The following ZSCAN5A variants were observed in gnomAD, a reference collection of about 807,000 sequenced individuals.
ZSCAN5A encodes zinc finger and SCAN domain-containing protein 5A.
In ZSCAN5A, 12 loss-of-function variants were observed where a neutral mutation model predicts 23.7. The ratio of observed to expected loss-of-function variants is 0.51; its 90% CI spans 0.32 to 0.82. ZSCAN5A has a LOEUF of 0.82. Ranked by LOEUF, ZSCAN5A falls within the 40% of genes least tolerant of loss-of-function variation. ZSCAN5A has a pLI of 0.03. For synonymous variants in ZSCAN5A, 257 were observed against 239.9 expected, an observed-to-expected ratio of 1.07 and a Z score of -0.66; for missense variants, 597 against 617.9, an observed-to-expected ratio of 0.97 and a Z score of 0.36.
exon 2 of ZSCAN5A, chr19:56,363,235 C>T (rs553515224): frequency 6.6e-6 from 1 of 152,218 alleles, no homozygotes; most frequent in Non-Finnish European, 1.5e-5. Context: ...AAACACTCAC[C>T]TCTATTACTC....
At chr19:56,244,186 G>T in intron 2 of ZSCAN5A, 1 of 1,612,144 alleles carries the variant, frequency 6.2e-7, no homozygotes. Flanking sequence ...TGAACTTCAG[G>T]ATGTTCAGCT....
At chr19:56,270,247 GTCTC>G (rs1156803084) in intron 2 of ZSCAN5A, among the ~76,000 whole-genome samples, 1 of 146,374 alleles carries the variant, frequency 6.8e-6, no homozygotes. Flanking sequence ...GTGAAACCCT[GTCTC>G]TACTAAAAAT....
In ZSCAN5A at chr19:56,222,169, T is replaced by C; in HGVS notation, c.897A>G (p.Arg299=). Residue 299 remains arginine (R), a synonymous_variant, in exon 6 of 6, where the codon AGA becomes AGG. Coordinates refer to ENST00000683990, the MANE Select transcript of ZSCAN5A (RefSeq NM_001322064.3). ...GDALNLSSPK[R]SKPDASSISQ... Reference sequence around the variant, plus strand: ...AAATGGAGGAGGCATCTGGTTTGCTTCTTTTGGGACTGCTCAGATTCAGAG... The same window carrying C: ...AAATGGAGGAGGCATCTGGTTTGCTCCTTTTGGGACTGCTCAGATTCAGAG... 1 of 1,614,032 alleles carries C rather than the reference T, an allele frequency of 6.2e-7. No homozygotes were observed. Among genetic ancestry groups the C allele is most frequent in the Non-Finnish European group, 8.5e-7 (1 of 1,180,010 alleles).
intron 2 of ZSCAN5A, among the ~76,000 whole-genome samples, chr19:56,339,079 G>T (rs1454160789): frequency 6.6e-6 from 1 of 152,266 alleles, no homozygotes; most frequent in Non-Finnish European, 1.5e-5. Context: ...ACTAATTACA[G>T]ACTGCACTGG....
upstream of ZSCAN5A, chr19:56,316,677 CTG>C (rs2041319478): frequency 6.6e-6 from 1 of 152,340 alleles, no homozygotes; most frequent in Admixed American, 6.5e-5. Flanking sequence ...GGTTTTGCCT[CTG>C]TAAATTTTCT....
intron 4 of ZSCAN5A, 109 bp from the exon 5 acceptor site, chr19:56,222,850 G>A: frequency 6.8e-7 from 1 of 1,463,910 alleles, no homozygotes; most frequent in South Asian, 1.2e-5. Context: ...TGACACAGGT[G>A]TGGAAATACG....
chr19:56,314,843 T>C (rs980459339), upstream of ZSCAN5A: 6 of 152,368 alleles, frequency 3.9e-5, no homozygotes, highest in African/African-American at 1.4e-4. Context: ...TCACATTGGC[T>C]GCTAGGAGGC....
intron 2 of ZSCAN5A, among the ~76,000 whole-genome samples, chr19:56,277,299 A>G (rs2038337223): frequency 6.6e-6 from 1 of 152,234 alleles, no homozygotes; most frequent in Non-Finnish European, 1.5e-5. Context: ...GCATCCATTA[A>G]TGAATGGAGA....
At chr19:56,340,395 T>C (rs958113198) in intron 2 of ZSCAN5A, among the ~76,000 whole-genome samples, 5 of 152,180 alleles carry the variant, frequency 3.3e-5, no homozygotes, top group African/African-American at 7.2e-5. Context: ...TAAGGTTAGA[T>C]TGTCGGATCT....
At chr19:56,342,888 T>TA in intron 2 of ZSCAN5A, 1 of 999,288 alleles carries the variant, frequency 1.0e-6, no homozygotes. Flanking sequence ...CCACTTCAGG[T>TA]AGTCTCCCCA....
At chr19:56,366,209 C>T (rs565158376) in intron 1 of ZSCAN5A, among the ~76,000 whole-genome samples, 13 of 152,070 alleles carry the variant, frequency 8.5e-5, no homozygotes, top group Middle Eastern at 6.8e-3. Context: ...TTTGGGAGGC[C>T]GAGGCGGGCG....
At chr19:56,225,285 A>T (rs966342567) in intron 2 of ZSCAN5A, 112 bp from the exon 3 acceptor site, 1 of 1,051,508 alleles carries the variant, frequency 9.5e-7, no homozygotes, top group Non-Finnish European at 1.3e-6. Context: ...AATTCAGCAC[A>T]GTGGAAATCT....
rs139124744 is a variant in ZSCAN5A at position 56,259,147 on chromosome 19, T to C, written c.-127-33974A>G. 2.4e-3 allele frequency among the ~76,000 whole-genome samples: 362 copies of C among 152,244 alleles called. 1 individual carries two copies. The highest frequency in any genetic ancestry group is 8.4e-3 in the African/African-American group (350 of 41,568). On this transcript the variant is annotated intron_variant, in intron 2 of 5. Coordinates refer to ENST00000683990, the MANE Select transcript of ZSCAN5A (RefSeq NM_001322064.3). ...TCTGAGTCACTGAGTTTTGGGGTGA[T>C]GTGTTATACAGCTACAGATAACTGG...
At chr19:56,338,890 T>C (rs1455460381) in intron 2 of ZSCAN5A, among the ~76,000 whole-genome samples, 1 of 152,200 alleles carries the variant, frequency 6.6e-6, no homozygotes, top group Non-Finnish European at 1.5e-5. Context: ...CACTGTGAAC[T>C]GAACTGAAAA....
At chr19:56,311,186 T>C (rs2041013940) in intron 2 of ZSCAN5A, among the ~76,000 whole-genome samples, 1 of 152,186 alleles carries the variant, frequency 6.6e-6, no homozygotes, top group Non-Finnish European at 1.5e-5. Context: ...TGCAAAGCTA[T>C]TTAAGCAAAA....
chr19:56,353,955 G>T (rs987061202), intron 2 of ZSCAN5A, among the ~76,000 whole-genome samples: 5 of 152,102 alleles, frequency 3.3e-5, no homozygotes, highest in East Asian at 3.9e-4. Context: ...AATATTAGTC[G>T]CCCTTAAAAG....
At chr19:56,293,187 G>A (rs954144727) in intron 2 of ZSCAN5A, among the ~76,000 whole-genome samples, 11 of 152,166 alleles carry the variant, frequency 7.2e-5, no homozygotes, top group African/African-American at 1.7e-4. Flanking sequence ...TCAAGAGCAC[G>A]TTCTGGGTAC....
Position 56,246,991 on chromosome 19 carries a change from T to C in ZSCAN5A, c.-127-21818A>G, listed in dbSNP as rs1490346390. On this transcript the variant is annotated intron_variant, in intron 2 of 5. Transcript: ENST00000683990. ...AGGAAAACCTGAGATAAATTCAGTTTATTCCCCAGGCCCTGCAGGTGCAGT... is the reference window on the plus strand; with the variant it reads ...AGGAAAACCTGAGATAAATTCAGTTCATTCCCCAGGCCCTGCAGGTGCAGT... The C allele has an allele frequency of 9.1e-6, 12 of 1,317,550 alleles. 1 individual carries two copies. The highest frequency in any genetic ancestry group is 7.3e-5 in the African/African-American group (5 of 68,844). 81.6% of individuals were successfully genotyped at this position (1,317,550 alleles called of 1,614,324 possible).
chr19:56,326,880 C>T (rs1360880074), intron 2 of ZSCAN5A, among the ~76,000 whole-genome samples: 1 of 152,128 alleles, frequency 6.6e-6, no homozygotes, highest in Non-Finnish European at 1.5e-5. Context: ...CAGCCTTGAG[C>T]AGAACATAGC....
Sources: gnomAD v4.1 joint callset for allele counts (sites outside exome capture counted in the v4.1 genomes callset) on GRCh38, gnomAD v4.1.1 for gene constraint, MANE v1.5 for transcripts, NCBI Gene and HGNC (gene_info 2026-07-23, HGNC 2026-07-21) for gene names.